Variants in TACC2 observed in about 807,000 individuals in gnomAD.
The protein encoded by TACC2 is transforming acidic coiled-coil-containing protein 2.
In TACC2, 137 loss-of-function variants were observed where a neutral mutation model predicts 227.3. The ratio of observed to expected loss-of-function variants is 0.60; its 90% CI spans 0.52 to 0.69. The LOEUF is 0.69. TACC2 is among the 30% of genes least tolerant of loss of function. The probability of loss-of-function intolerance (pLI) is 0.00; values close to 1 mark genes in which losing one functional copy is unlikely to be tolerated. For missense variants in TACC2, 3,470 were observed against 3,694.4 expected (o/e 0.94, Z 1.57); for synonymous variants, 1,523 against 1,487.5 (o/e 1.02, Z -0.55).
intron 12 of TACC2, among the ~76,000 whole-genome samples, chr10:122,225,500 C>T (rs966089827): frequency 4.6e-5 from 7 of 152,246 alleles, no homozygotes; most frequent in African/African-American, 1.7e-4. Flanking sequence ...TCACAGCTTC[C>T]TGAGTAAAGC....
intron 7 of TACC2, among the ~76,000 whole-genome samples, chr10:122,152,999 C>CTTTCTTTTTTTTTTTTTTTT (rs71026005): frequency 7.4e-6 from 1 of 135,022 alleles, no homozygotes; most frequent in Non-Finnish European, 1.6e-5. Flanking sequence ...TTCTTTCTTT[C>CTTTCTTTTTTTTTTTTTTTT]TTTTTTTTTT....
At chr10:122,091,911 T>G (rs1453328982) in intron 5 of TACC2, among the ~76,000 whole-genome samples, 1 of 152,174 alleles carries the variant, frequency 6.6e-6, no homozygotes, top group Non-Finnish European at 1.5e-5. Flanking sequence ...CCTTACTAAT[T>G]ACATACCTAA....
intron 1 of TACC2, among the ~76,000 whole-genome samples, chr10:121,996,172 G>T (rs551884820): frequency 2.8e-4 from 43 of 152,126 alleles, no homozygotes; most frequent in African/African-American, 1.0e-3. Context: ...TCCCACCTCA[G>T]CCCCCCGAGT....
intron 3 of TACC2, among the ~76,000 whole-genome samples, chr10:122,070,480 C>T (rs2077907112): frequency 6.6e-6 from 1 of 152,002 alleles, no homozygotes; most frequent in African/African-American, 2.4e-5. Flanking sequence ...TTGGGTCAGG[C>T]GCGGTGGCTG....
intron 5 of TACC2, among the ~76,000 whole-genome samples, chr10:122,110,954 C>T (rs1565328104): frequency 6.6e-6 from 1 of 152,154 alleles, no homozygotes; most frequent in Non-Finnish European, 1.5e-5. Flanking sequence ...GTGCTTTTTC[C>T]AGCTTCTAGA....
chr10:122,210,596 A>G lies in TACC2; in HGVS notation c.6171A>G (p.Ser2057=). ...TTCAGACCTTGGAGCCTCGTGCCTC[A>G]GACGCTAAGAATCAGGAGGGCAAAG... ...DTFQTLEPRA[S]DAKNQEGKVN... The change falls in exon 9 of 23, where the codon TCA becomes TCG. Residue 2057 remains serine (S), a synonymous_variant. Transcript: ENST00000369005. This position sits in a 1 kb window ranked among gnomAD's most constrained non-coding sequence, Gnocchi z 4.6. 1 of 1,614,152 alleles carries G rather than the reference A, an allele frequency of 6.2e-7. No homozygotes were observed. The highest frequency in any genetic ancestry group is 1.1e-5 in the South Asian group (1 of 91,070).
intron 1 of TACC2, among the ~76,000 whole-genome samples, chr10:122,014,819 A>G (rs1591052708): frequency 1.3e-5 from 2 of 152,154 alleles, no homozygotes; most frequent in Admixed American, 1.3e-4. Context: ...ACCTGGCCCA[A>G]ACCTGTACCT....
Position 122,179,290 on chromosome 10 carries a change from C to T in TACC2, c.5835-15750C>T, listed in dbSNP as rs2093874143. Among the ~76,000 whole-genome samples, 3 of 152,176 alleles carry T rather than the reference C, an allele frequency of 2.0e-5. No homozygotes were observed. In the South Asian group the frequency reaches 6.2e-4, roughly 32 times the overall value. On this transcript the variant is annotated intron_variant, in intron 7 of 22. Transcript: ENST00000369005. Reference sequence around the variant, plus strand: ...TAGAGCTCTGATATGTAATTGAAATCTGAGATTACTTATCTGCCTTGTCGT... The same window carrying T: ...TAGAGCTCTGATATGTAATTGAAATTTGAGATTACTTATCTGCCTTGTCGT...
At chr10:122,006,011 T>C (rs1359241062) in intron 1 of TACC2, among the ~76,000 whole-genome samples, 2 of 152,150 alleles carry the variant, frequency 1.3e-5, no homozygotes, top group Admixed American at 6.6e-5. Flanking sequence ...ATGTTGAAAA[T>C]TGTTTTTCTC....
rs867214057 is a variant in TACC2, at chr10:122,084,843, C to T, written c.2343C>T (p.Pro781=). ...RQEFHAGVPH[P]PQGENLAADL... ...AATTTCATGCTGGGGTGCCACATCC[C>T]CCCCAGGGGGAGAACTTGGCAGCAG... Residue 781 remains proline, a synonymous_variant, in exon 4 of 23, where the codon CCC becomes CCT. Coordinates refer to ENST00000369005, the MANE Select transcript of TACC2 (RefSeq NM_206862.4). 3 of 1,613,752 alleles carry T rather than the reference C, an allele frequency of 1.9e-6. No individual in the cohort carries two copies. The highest frequency in any genetic ancestry group is 2.2e-5 in the East Asian group (1 of 44,882).
chr10:122,234,263 C>T (rs897564243), intron 16 of TACC2, among the ~76,000 whole-genome samples: 2 of 152,256 alleles, frequency 1.3e-5, no homozygotes, highest in Non-Finnish European at 2.9e-5. Flanking sequence ...ACCCCAGGCA[C>T]AGCCTGCAGG....
chr10:122,012,378 C>G (rs961807218), intron 1 of TACC2, among the ~76,000 whole-genome samples: 2 of 146,030 alleles, frequency 1.4e-5, no homozygotes, highest in Admixed American at 7.0e-5. Flanking sequence ...CGAGATCACG[C>G]CACTGCACTC....
At chr10:122,066,231 C>A (rs1236078007) in intron 3 of TACC2, among the ~76,000 whole-genome samples, 1 of 151,900 alleles carries the variant, frequency 6.6e-6, no homozygotes, top group South Asian at 2.1e-4. Context: ...CCTCAGCCCC[C>A]CAAGTAGCTG....
chr10:122,134,589 A>G (rs1483330345), intron 6 of TACC2, among the ~76,000 whole-genome samples: 1 of 152,196 alleles, frequency 6.6e-6, no homozygotes, highest in Non-Finnish European at 1.5e-5. Flanking sequence ...TTCCAGTGAG[A>G]CGTGGGGCAC....
chr10:122,106,913 C>T (rs143206385), intron 5 of TACC2, among the ~76,000 whole-genome samples: 136 of 152,340 alleles, frequency 8.9e-4, no homozygotes, highest in African/African-American at 3.2e-3. Flanking sequence ...GCCAGATGCT[C>T]CCCTCATCGT....
At chr10:122,082,369 T>A (rs2079609177) in intron 3 of TACC2, among the ~76,000 whole-genome samples, 1 of 152,186 alleles carries the variant, frequency 6.6e-6, no homozygotes, top group African/African-American at 2.4e-5. Flanking sequence ...ATAAATGAGT[T>A]GCCACATTTC....
intron 5 of TACC2, among the ~76,000 whole-genome samples, chr10:122,101,535 C>T (rs1326502832): frequency 2.9e-5 from 4 of 137,298 alleles, no homozygotes; most frequent in Non-Finnish European, 6.2e-5. Flanking sequence ...GCCTGGGCAA[C>T]ATGGCAAAAC....
intron 1 of TACC2, among the ~76,000 whole-genome samples, chr10:121,996,795 T>C (rs1953560044): frequency 6.6e-6 from 1 of 151,756 alleles, no homozygotes; most frequent in Admixed American, 6.6e-5. Flanking sequence ...AGCAGAGACA[T>C]TGATGGGAGA....
rs1026573145 is a variant in TACC2 at position 122,084,364 on chromosome 10, G to A, written c.1864G>A (p.Ala622Thr). Residue 622 changes from alanine to threonine, a missense_variant, in exon 4 of 23, where the codon GCA becomes ACA. Physicochemically the swap from Ala to Thr is moderately conservative, Grantham distance 58. Coordinates refer to ENST00000369005, the MANE Select transcript of TACC2 (RefSeq NM_206862.4). ...TGAGCTTTCAAAGCCAAGCAGTGATGCAGAGAGCAGAGACCATCCCAGCTC... is the reference window on the plus strand; with the variant it reads ...TGAGCTTTCAAAGCCAAGCAGTGATACAGAGAGCAGAGACCATCCCAGCTC... ...KDELSKPSSD[A>T]ESRDHPSSHS... is the part of the protein sequence containing the mutation. The A allele has an allele frequency of 1.2e-6, 2 of 1,613,384 alleles. No individual in the cohort carries two copies. Among genetic ancestry groups the A allele is most frequent in the Non-Finnish European group, 1.7e-6 (2 of 1,180,050 alleles).
Sources: gnomAD v4.1 joint callset for allele counts (sites outside exome capture counted in the v4.1 genomes callset) on GRCh38, gnomAD v4.1.1 for gene constraint, Gnocchi (gnomAD v3.1) non-coding constraint, MANE v1.5 for transcripts, NCBI Gene and HGNC (gene_info 2026-07-23, HGNC 2026-07-21) for gene names.